The following OSBP2 variants were observed in gnomAD, a reference collection of about 807,000 sequenced individuals.
The protein encoded by OSBP2 is oxysterol binding protein 2, also known as oxysterol-binding protein 2.
Under a neutral mutation model 96.0 loss-of-function variants are expected in OSBP2, and 66 were observed. The observed-to-expected ratio is 0.69, with a 90% confidence interval of 0.56 to 0.84. OSBP2 has a LOEUF of 0.84. Among genes scored for constraint, OSBP2 ranks in the 40% least tolerant of loss-of-function variants. OSBP2 has a pLI of 0.00. For synonymous variants in OSBP2, 525 were observed against 520.9 expected (o/e 1.01, Z -0.11); for missense variants, 1,038 against 1,222.7 (o/e 0.85, Z 2.25).
At chr22:30,849,891 A>T (rs930316789) in intron 2 of OSBP2, among the ~76,000 whole-genome samples, 21 of 152,148 alleles carry the variant, frequency 1.4e-4, no homozygotes, top group African/African-American at 5.1e-4. Flanking sequence ...GTTTTTGTGT[A>T]TGGGGTGACA....
intron 1 of OSBP2, among the ~76,000 whole-genome samples, chr22:30,722,908 C>T (rs1397171016): frequency 2.6e-5 from 4 of 151,432 alleles, no homozygotes; most frequent in African/African-American, 4.9e-5. Context: ...CCTAGCTCTC[C>T]GAAGAGCTGG....
chr22:30,771,977 T>C (rs1231657140), intron 2 of OSBP2, among the ~76,000 whole-genome samples: 1 of 152,118 alleles, frequency 6.6e-6, no homozygotes, highest in East Asian at 1.9e-4. Context: ...AGCCCCCAGA[T>C]GTTTGGTGTG....
At chr22:30,731,213 C>T (rs2089773270) in intron 1 of OSBP2, among the ~76,000 whole-genome samples, 1 of 151,974 alleles carries the variant, frequency 6.6e-6, no homozygotes, top group Non-Finnish European at 1.5e-5. Flanking sequence ...AGAGCTGACA[C>T]TTTGGGAGGT....
chr22:30,860,064 G>A (rs933918413), intron 2 of OSBP2, among the ~76,000 whole-genome samples: 4 of 152,188 alleles, frequency 2.6e-5, no homozygotes, highest in African/African-American at 9.7e-5. Context: ...ATCTAACCCA[G>A]TGGTTCTTAC....
At chr22:30,810,551 C>T (rs565070181) in intron 2 of OSBP2, among the ~76,000 whole-genome samples, 3 of 152,242 alleles carry the variant, frequency 2.0e-5, no homozygotes, top group African/African-American at 2.4e-5. Context: ...CTGGTGTCCA[C>T]GGCCATGAGC....
chr22:30,851,805 C>A (rs868530159), intron 2 of OSBP2, among the ~76,000 whole-genome samples: 6 of 152,010 alleles, frequency 3.9e-5, no homozygotes, highest in Admixed American at 1.3e-4. Flanking sequence ...TTTATAGATG[C>A]CTTTTATAAT....
At chr22:30,768,077 A>C (rs1038674510) in intron 2 of OSBP2, among the ~76,000 whole-genome samples, 1 of 152,166 alleles carries the variant, frequency 6.6e-6, no homozygotes, top group Non-Finnish European at 1.5e-5. Flanking sequence ...ACCTGTATAA[A>C]TCAGTGCTAA....
At chr22:30,787,392 GC>G (rs1346198125) in intron 2 of OSBP2, among the ~76,000 whole-genome samples, 1 of 152,086 alleles carries the variant, frequency 6.6e-6, no homozygotes, top group Admixed American at 6.6e-5. Flanking sequence ...AATGGTCGGG[GC>G]CGGATGCGGT....
At chr22:30,905,128 A>T (rs1602453863) in intron 12 of OSBP2, among the ~76,000 whole-genome samples, 1 of 121,190 alleles carries the variant, frequency 8.3e-6, no homozygotes, top group Admixed American at 9.3e-5. Flanking sequence ...ACAGAGCGAG[A>T]CCCGTCTTTT....
Position 30,889,222 on chromosome 22 carries a change from C to A in OSBP2, c.1464C>A (p.Ser488Arg). ...CCGGGACAAGTTCCGTGGACTGGAG[C>A]TCAGCAGACAATGTAAGTGAGGGGG... ...GSTGTSSVDW[S>R]SADNVLDGAS... Residue 488 changes from serine to arginine, a missense_variant, in exon 6 of 14, where the codon AGC (serine) becomes AGA (arginine). This residue lies in a region of OSBP2 where 737 missense variants were observed against 913.3 expected (regional missense o/e 0.81). Coordinates refer to ENST00000332585, the MANE Select transcript of OSBP2 (RefSeq NM_030758.4). The A allele has an allele frequency of 6.2e-7, 1 of 1,613,214 alleles. No individual in the cohort carries two copies. The highest frequency in any genetic ancestry group is 1.3e-5 in the African/African-American group (1 of 74,968).
At chr22:30,710,085 C>G (rs1343977725) in intron 1 of OSBP2, among the ~76,000 whole-genome samples, 1 of 151,988 alleles carries the variant, frequency 6.6e-6, no homozygotes, top group Non-Finnish European at 1.5e-5. Context: ...AGGGTTTCAC[C>G]ATGTTGGCCA....
Position 30,905,844 on chromosome 22 carries a change from G to T in OSBP2, c.2383G>T (p.Ala795Ser), listed in dbSNP as rs1367705979. The T allele has an allele frequency of 6.2e-7, 1 of 1,612,934 alleles. No homozygotes were observed. The highest frequency in any genetic ancestry group is 1.7e-5 in the Admixed American group (1 of 59,990). The change falls in exon 13 of 14, where the codon GCG becomes TCG. Residue 795 changes from alanine to serine, a missense_variant. This residue lies in a region of OSBP2 where 737 missense variants were observed against 913.3 expected (regional missense o/e 0.81). Transcript: ENST00000332585. ...LWKKYPLPEN[A>S]ENMYYFSELA... is the part of the protein sequence containing the mutation. Reference sequence around the variant, plus strand: ...CCACCACCACCGCCACAGGGAGAACGCGGAGAACATGTACTACTTCTCAGA... The same window carrying T: ...CCACCACCACCGCCACAGGGAGAACTCGGAGAACATGTACTACTTCTCAGA...
chr22:30,766,083 A>G (rs1259431098), intron 2 of OSBP2, among the ~76,000 whole-genome samples: 1 of 152,142 alleles, frequency 6.6e-6, no homozygotes, highest in Non-Finnish European at 1.5e-5. Context: ...AAAAGTAATA[A>G]TAGTAACTGG....
intron 1 of OSBP2, among the ~76,000 whole-genome samples, chr22:30,724,749 G>A (rs1382663264): frequency 6.6e-6 from 1 of 152,182 alleles, no homozygotes; most frequent in Non-Finnish European, 1.5e-5. Flanking sequence ...GTCCAGGTCC[G>A]TGTCTCATGG....
intron 1 of OSBP2, among the ~76,000 whole-genome samples, chr22:30,740,606 G>T (rs1405017933): frequency 6.6e-6 from 1 of 152,186 alleles, no homozygotes; most frequent in Non-Finnish European, 1.5e-5. Context: ...TTAGAAGCAA[G>T]ATGGAGTCAG....
In OSBP2 at chr22:30,794,100, G is replaced by A. The variant is rs149953959; in HGVS notation, c.853+52731G>A. On this transcript the variant is annotated intron_variant, in intron 2 of 13. Transcript: ENST00000332585. The stretch of plus-strand genomic sequence containing the variant: ...CTTCAAGCCAGGCATGGTGGCTCAC[G>A]CCTATAATCCAAGCACTTTGGGAGG... Among the ~76,000 whole-genome samples, 1,047 of 151,888 alleles carry A rather than the reference G, an allele frequency of 6.9e-3. 9 individuals carry two copies. The highest frequency in any genetic ancestry group is 0.024 in the African/African-American group (977 of 41,416).
At position 30,756,658 on chromosome 22, in the gene OSBP2, A is replaced by G. The variant is rs373998059; in HGVS notation, c.853+15289A>G. On this transcript the variant is annotated intron_variant, in intron 2 of 13. Transcript: ENST00000332585. ...CGGTGAGCAAAGATCATGCCGCTGC[A>G]CTCCAGCTTGGACGACAGAGCGAGA... Among the ~76,000 whole-genome samples, 5 of 152,238 alleles carry G rather than the reference A, an allele frequency of 3.3e-5. No individual in the cohort carries two copies. The East Asian group carries it at 9.7e-4, about 29-fold the overall frequency.
At chr22:30,785,769 A>G (rs1263246809) in intron 2 of OSBP2, among the ~76,000 whole-genome samples, 2 of 152,078 alleles carry the variant, frequency 1.3e-5, no homozygotes, top group African/African-American at 2.4e-5. Flanking sequence ...TGTTCCAGTG[A>G]TAGTGAATGA....
chr22:30,738,712 C>T (rs2145735737), intron 1 of OSBP2, among the ~76,000 whole-genome samples: 1 of 152,206 alleles, frequency 6.6e-6, no homozygotes, highest in South Asian at 2.1e-4. Flanking sequence ...AGGTACCCGC[C>T]ACCGTGCCCG....
Sources: allele counts gnomAD v4.1 joint callset (sites outside exome capture counted in the v4.1 genomes callset), GRCh38; gene constraint gnomAD v4.1.1; regional missense constraint gnomAD v4.1.1; transcripts MANE v1.5; gene names NCBI Gene and HGNC (gene_info 2026-07-23, HGNC 2026-07-21).